The following ADGB variants were observed in gnomAD, a reference collection of about 807,000 sequenced individuals.
ADGB encodes androglobin.
ADGB carries 172 observed loss-of-function variants against 210.5 expected under a neutral mutation model. The observed-to-expected ratio is 0.82, with a 90% confidence interval of 0.72 to 0.93. The LOEUF is 0.93. Ranked by LOEUF, ADGB falls within the 40% of genes least tolerant of loss-of-function variation. The pLI is 0.00. For missense variants in ADGB, 2,025 were observed against 1,964.8 expected, an observed-to-expected ratio of 1.03 and a Z score of -0.58; for synonymous variants, 658 against 662.7, an observed-to-expected ratio of 0.99 and a Z score of 0.11.
At chr6:146,740,820 T>C (rs1420829829) in intron 24 of ADGB, among the ~76,000 whole-genome samples, 2 of 152,120 alleles carry the variant, frequency 1.3e-5, no homozygotes, top group Non-Finnish European at 2.9e-5. Context: ...TTTATGTTCA[T>C]GATAAAAATA....
chr6:146,736,427 A>G (rs1777079352), intron 22 of ADGB, 71 bp from the exon 23 acceptor site: 10 of 981,452 alleles, frequency 1.0e-5, no homozygotes, highest in Admixed American at 6.1e-5. Flanking sequence ...TGTGAAAATG[A>G]AGGCTTTGGA....
intron 26 of ADGB, among the ~76,000 whole-genome samples, chr6:146,746,885 G>A (rs9485120): frequency 0.56 from 84,719 of 151,570 alleles, 25,429 homozygotes; most frequent in African/African-American, 0.78. Context: ...TATTTTGCTC[G>A]AGCATTTCCT....
intron 1 of ADGB, among the ~76,000 whole-genome samples, chr6:146,602,940 A>C (rs1780581257): frequency 6.6e-6 from 1 of 152,298 alleles, no homozygotes; most frequent in Non-Finnish European, 1.5e-5. Context: ...GGTGCCAAAA[A>C]GGTTGGGGAT....
chr6:146,767,613 C>T (rs766015266), intron 28 of ADGB, among the ~76,000 whole-genome samples: 1 of 152,056 alleles, frequency 6.6e-6, no homozygotes, highest in Non-Finnish European at 1.5e-5. Context: ...GGATTATAGG[C>T]ACATGCCCCC....
At chr6:146,717,477 A>G (rs1776752650) in intron 15 of ADGB, 59 bp from the exon 16 acceptor site, 16 of 898,860 alleles carry the variant, frequency 1.8e-5, no homozygotes, top group Non-Finnish European at 2.5e-5. Flanking sequence ...GAAACTTAAC[A>G]TGTAGTACTA....
intron 11 of ADGB, among the ~76,000 whole-genome samples, 169 bp downstream of exon 11, chr6:146,691,459 AAAATAT>A (rs1306633902): frequency 2.9e-4 from 13 of 44,720 alleles, no homozygotes; most frequent in African/African-American, 2.2e-3. Context: ...TATATATATA[AAAATAT>A]ATATATATAT....
At chr6:146,725,035 A>G (rs535951175) in intron 18 of ADGB, 2 of 152,340 alleles carry the variant, frequency 1.3e-5, no homozygotes, top group South Asian at 2.1e-4. Flanking sequence ...TCTCTTATGC[A>G]AAAAGCAAAG....
At chr6:146,753,548 T>C (rs1777357889) in intron 27 of ADGB, among the ~76,000 whole-genome samples, 1 of 151,986 alleles carries the variant, frequency 6.6e-6, no homozygotes, top group African/African-American at 2.4e-5. Flanking sequence ...ATTAATTATC[T>C]TTTTTGGTGG....
In ADGB at chr6:146,733,916, T is replaced by C. The variant is rs569977599; in HGVS notation, c.2680T>C (p.Cys894Arg). The change falls in exon 22 of 36, where the codon TGT (cysteine) becomes CGT (arginine). Residue 894 changes from cysteine (C) to arginine (R), a missense_variant. Physicochemically the swap from Cys to Arg is radical, Grantham distance 180. Transcript: ENST00000397944. ...AGTGGAATGGCTGGACGTTAAATAT[T>C]GTATGCCCACAAGTGATAAAGAGTA... ...SLVEWLDVKY[C>R]MPTSDKEYSA... The C allele has an allele frequency of 3.2e-6, 5 of 1,551,642 alleles. No homozygotes were observed. Among genetic ancestry groups the C allele is most frequent in the East Asian group, 2.4e-5 (1 of 40,900 alleles).
At chr6:146,752,462 A>G (rs1404020862) in intron 26 of ADGB, 68 bp from the exon 27 acceptor site, 1 of 1,388,550 alleles carries the variant, frequency 7.2e-7, no homozygotes, top group Non-Finnish European at 9.7e-7. Context: ...TATCCAAACT[A>G]TCTCACTTAC....
At chr6:146,704,984 A>C (rs1776547011) in intron 13 of ADGB, among the ~76,000 whole-genome samples, 1 of 152,024 alleles carries the variant, frequency 6.6e-6, no homozygotes, top group African/African-American at 2.4e-5. Flanking sequence ...CTTTCCATTT[A>C]TTTGAGTCTT....
chr6:146,607,694 T>C (rs1447363452), intron 1 of ADGB, among the ~76,000 whole-genome samples: 1 of 152,206 alleles, frequency 6.6e-6, no homozygotes, highest in Non-Finnish European at 1.5e-5. Flanking sequence ...GAATAATGTT[T>C]ATTGATTTGC....
At chr6:146,621,051 G>A (rs1290397954) in intron 1 of ADGB, among the ~76,000 whole-genome samples, 1 of 152,116 alleles carries the variant, frequency 6.6e-6, no homozygotes, top group Non-Finnish European at 1.5e-5. Context: ...CTAACATGTT[G>A]CCCTGTTACT....
chr6:146,732,268 T>C (rs1221138576), intron 20 of ADGB, among the ~76,000 whole-genome samples: 1 of 152,174 alleles, frequency 6.6e-6, no homozygotes, highest in Non-Finnish European at 1.5e-5. Context: ...AGCAAACTCA[T>C]AGCTGAAGCA....
chr6:146,606,088 T>A lies in ADGB; in HGVS notation c.74+6974T>A, dbSNP rs186684211. Among the ~76,000 whole-genome samples, 17 of 152,270 alleles carry A rather than the reference T, an allele frequency of 1.1e-4. No homozygotes were observed. In the East Asian group the frequency reaches 3.1e-3, roughly 28 times the overall value. ...TTTCTCTAAACCTCACCTGCATCTG[T>A]TATTTTTTGACTTTTTATAATATCC... On this transcript the variant is annotated intron_variant, in intron 1 of 35. Coordinates refer to ENST00000397944, the MANE Select transcript of ADGB (RefSeq NM_024694.4).
intron 28 of ADGB, among the ~76,000 whole-genome samples, chr6:146,765,962 C>A (rs560612370): frequency 2.0e-5 from 3 of 151,818 alleles, no homozygotes; most frequent in Non-Finnish European, 4.4e-5. Context: ...ATAAAATACA[C>A]GTACTTCTAG....
At chr6:146,607,935 T>G (rs1320907480) in intron 1 of ADGB, among the ~76,000 whole-genome samples, 1 of 151,808 alleles carries the variant, frequency 6.6e-6, no homozygotes, top group African/African-American at 2.4e-5. Context: ...TAGGGAGGAG[T>G]CCCTCCCCTC....
At chr6:146,602,823 A>G (rs541429673) in intron 1 of ADGB, among the ~76,000 whole-genome samples, 6 of 152,316 alleles carry the variant, frequency 3.9e-5, no homozygotes, top group African/African-American at 1.4e-4. Flanking sequence ...CGCAAATCCT[A>G]TTGTAAACTG....
chr6:146,734,091 T>C, intron 22 of ADGB, 61 bp downstream of exon 22: 2 of 1,490,220 alleles, frequency 1.3e-6, no homozygotes, highest in Non-Finnish European at 1.8e-6. Flanking sequence ...TATTTATGTG[T>C]GTTAATGAAA....
Sources: gnomAD v4.1 joint callset for allele counts (sites outside exome capture counted in the v4.1 genomes callset) on GRCh38, gnomAD v4.1.1 for gene constraint, MANE v1.5 for transcripts, NCBI Gene and HGNC (gene_info 2026-07-23, HGNC 2026-07-21) for gene names.